Variants in NONO observed in about 807,000 individuals in gnomAD.
NONO encodes the protein non-POU domain-containing octamer-binding protein.
NONO carries 6 observed loss-of-function variants against 40.2 expected under a neutral mutation model. The ratio of observed to expected loss-of-function variants is 0.15; its 90% CI spans 0.08 to 0.29. The LOEUF (loss-of-function observed/expected upper bound fraction) is 0.29, where lower values mean the gene tolerates loss of function less well. NONO is among the 10% of genes least tolerant of loss of function. The pLI, the probability that NONO is intolerant of heterozygous loss-of-function variation, is 1.00. For synonymous variants in NONO, 89 were observed against 123.3 expected, an observed-to-expected ratio of 0.72 and a Z score of 1.85; for missense variants, 133 against 397.8, an observed-to-expected ratio of 0.33 and a Z score of 5.66.
chrX:71,295,344 G>C (rs1311209052), intron 5 of NONO, among the ~76,000 whole-genome samples: 1 of 108,014 alleles, frequency 9.3e-6, no homozygotes, highest in African/African-American at 3.4e-5. Context: ...CAAATTAGCC[G>C]GGTGTGGTGG....
At chrX:71,292,535 T>C (rs757104409) in intron 4 of NONO, 3 of 112,456 alleles carry the variant, frequency 2.7e-5, no homozygotes, top group Non-Finnish European at 3.7e-5. Flanking sequence ...TTCAAACATA[T>C]AGAAGTAGAC....
Position 71,300,097 on chromosome X carries a change from C to T in NONO, c.*21C>T. ...ACTAATAAGTTGCAGTGTCTAGTTTCTCAAAACCCTTAAAAGAAGGACCCT... is the reference window on the plus strand; with the variant it reads ...ACTAATAAGTTGCAGTGTCTAGTTTTTCAAAACCCTTAAAAGAAGGACCCT... On this transcript the variant is annotated 3_prime_UTR_variant, in exon 12 of 12. Transcript: ENST00000276079. The T allele has an allele frequency of 8.3e-7, 1 of 1,208,114 alleles. No individual in the cohort carries two copies. The highest frequency in any genetic ancestry group is 3.0e-5 in the East Asian group (1 of 33,792).
In NONO at chrX:71,300,146, C is replaced by A; in HGVS notation, c.*70C>A. ...CTTTTTGGACTAGCCAGAATTCTAC[C>A]CTGGAAAAGTGTTAGGGATTCCTTC... is the stretch of plus-strand genomic sequence containing the variant. On this transcript the variant is annotated 3_prime_UTR_variant, in exon 12 of 12. Transcript: ENST00000276079. The A allele has an allele frequency of 8.8e-7, 1 of 1,135,254 alleles. No homozygotes were observed. The highest frequency in any genetic ancestry group is 1.2e-6 in the Non-Finnish European group (1 of 830,744). 93.6% of individuals were successfully genotyped at this position (1,135,254 alleles called of 1,213,427 possible).
rs1316704429 is a variant in NONO at position 71,290,875 on chromosome X, T to C, written c.154+84T>C. 3.0e-6 allele frequency: 3 copies of C among 1,002,630 alleles called. No individual in the cohort carries two copies. In the Admixed American group the frequency reaches 1.2e-4, roughly 41 times the overall value. 82.6% of individuals were successfully genotyped at this position (1,002,630 alleles called of 1,213,427 possible). A position where few individuals can be genotyped will look rare whatever the true frequency, so the allele number is the denominator to read the frequency against. On this transcript the variant is annotated intron_variant, in intron 3 of 11. Transcript: ENST00000276079. Reference sequence around the variant, plus strand: ...TTTTTAGATTAGTTTCTCGGGCTTATAAGGGAATAGGCCTTTATGGCACAC... The same window carrying C: ...TTTTTAGATTAGTTTCTCGGGCTTACAAGGGAATAGGCCTTTATGGCACAC...
chrX:71,284,942 G>A (rs779311802), intron 2 of NONO: 2 of 112,583 alleles, frequency 1.8e-5, no homozygotes, highest in African/African-American at 6.4e-5. Context: ...CAAGTAGACA[G>A]TAATCTTTGC....
rs1229486227 is a variant in NONO at position 71,297,858 on chromosome X, C to T, written c.1051C>T (p.Arg351Cys). The T allele has an allele frequency of 5.8e-6, 7 of 1,206,691 alleles. No individual in the cohort carries two copies. The highest frequency in any genetic ancestry group is 3.5e-5 in the South Asian group (2 of 56,632). ...ELRQEEERRR[R>C]EEEMRRQQEE... ...TAGGCAGGAGGAAGAGCGCAGGCGC[C>T]GTGAAGAAGAGATGCGGCGGCAGCA... is the stretch of plus-strand genomic sequence containing the variant. Residue 351 changes from arginine (R) to cysteine (C), a missense_variant, in exon 9 of 12, where the codon CGT becomes TGT. Transcript: ENST00000276079.
chrX:71,293,722 C>G (rs1304972080), intron 4 of NONO, among the ~76,000 whole-genome samples: 1 of 110,444 alleles, frequency 9.1e-6, no homozygotes, highest in African/African-American at 3.3e-5. Flanking sequence ...ACCTCCGCCT[C>G]CCGGGTTCAG....
intron 2 of NONO, among the ~76,000 whole-genome samples, chrX:71,289,146 A>G (rs1283503330): frequency 8.9e-6 from 1 of 112,001 alleles, no homozygotes; most frequent in African/African-American, 3.2e-5. Flanking sequence ...GTTTTCTATT[A>G]ATGTGTAGTA....
At chrX:71,295,214 C>CT (rs1369792942) in intron 5 of NONO, among the ~76,000 whole-genome samples, 3 of 80,943 alleles carry the variant, frequency 3.7e-5, no homozygotes, top group Non-Finnish European at 4.6e-5. Flanking sequence ...GAGCAAGACT[C>CT]TGTCTCAAAA....
intron 3 of NONO, 63 bp from the exon 4 acceptor site, chrX:71,291,716 T>C: frequency 1.1e-6 from 1 of 877,990 alleles, no homozygotes; most frequent in Non-Finnish European, 1.6e-6. Flanking sequence ...GTTATAGGTC[T>C]TTGAGGATAC....
chrX:71,298,534 C>T (rs779003051), intron 10 of NONO, 26 bp downstream of exon 10: 1 of 1,189,687 alleles, frequency 8.4e-7, no homozygotes, highest in East Asian at 3.0e-5. Context: ...GTTAATGGCT[C>T]TGATTTCCTT....
chrX:71,284,912 G>T (rs1188286728), intron 2 of NONO: 1 of 112,330 alleles, frequency 8.9e-6, no homozygotes, highest in East Asian at 2.8e-4. Context: ...TCTTCATCAG[G>T]ATTATTAGTC....
intron 2 of NONO, among the ~76,000 whole-genome samples, chrX:71,285,829 T>G (rs183438298): frequency 1.5e-3 from 164 of 111,931 alleles, no homozygotes; most frequent in African/African-American, 5.2e-3. Context: ...TGGTGAAAAA[T>G]TAGAAACGAC....
At chrX:71,290,571 G>A (rs2031301959) in intron 2 of NONO, 58 bp from the exon 3 acceptor site, 2 of 982,906 alleles carry the variant, frequency 2.0e-6, no homozygotes, top group African/African-American at 3.8e-5. Context: ...TCATCAGGAA[G>A]GTGGCTGATT....
intron 2 of NONO, among the ~76,000 whole-genome samples, chrX:71,287,885 T>A (rs868468419): frequency 0.028 from 2,690 of 96,793 alleles, 123 homozygotes; most frequent in African/African-American, 0.1. Flanking sequence ...TTTTTTTTTT[T>A]AAATAAAGAC....
intron 3 of NONO, among the ~76,000 whole-genome samples, chrX:71,291,375 T>A (rs1031771557): frequency 9.0e-6 from 1 of 110,967 alleles, no homozygotes; most frequent in Non-Finnish European, 1.9e-5. Context: ...GGTGAGAGAT[T>A]AGGAAAATGG....
chrX:71,288,483 C>T (rs1176226101), intron 2 of NONO, among the ~76,000 whole-genome samples: 2 of 111,825 alleles, frequency 1.8e-5, no homozygotes, highest in African/African-American at 6.5e-5. Flanking sequence ...CCTCCGCCTC[C>T]CAGGTTCAAG....
Position 71,297,476 on chromosome X carries a change from A to G in NONO, c.1028+15A>G, listed in dbSNP as rs955082307. 2 of 1,125,883 alleles carry G rather than the reference A, an allele frequency of 1.8e-6. No individual in the cohort carries two copies. Among genetic ancestry groups the G allele is most frequent in the Non-Finnish European group, 2.4e-6 (2 of 836,332 alleles). 92.8% of individuals were successfully genotyped at this position (1,125,883 alleles called of 1,213,427 possible). ...CTGGAGCTCAGGTAACTTTTCTCGAACACTTTTTCCCTAACAACTCTAAAA... is the reference window on the plus strand; with the variant it reads ...CTGGAGCTCAGGTAACTTTTCTCGAGCACTTTTTCCCTAACAACTCTAAAA... On this transcript the variant is annotated intron_variant, in intron 8 of 11. Coordinates refer to ENST00000276079, the MANE Select transcript of NONO (RefSeq NM_007363.5).
At chrX:71,297,523 C>T (rs988274144) in intron 8 of NONO, 62 bp downstream of exon 8, 6 of 803,072 alleles carry the variant, frequency 7.5e-6, no homozygotes, top group Admixed American at 6.0e-5. Context: ...ACTCCTCTTT[C>T]CTACTGCCAT....
Sources: gnomAD v4.1 joint callset for allele counts (sites outside exome capture counted in the v4.1 genomes callset) on GRCh38, gnomAD v4.1.1 for gene constraint, MANE v1.5 for transcripts, NCBI Gene and HGNC (gene_info 2026-07-23, HGNC 2026-07-21) for gene names.